The following ARHGAP6 variants were observed in gnomAD, a reference collection of about 807,000 sequenced individuals.
ARHGAP6 encodes the protein rho GTPase-activating protein 6.
A neutral mutation model predicts 55.7 loss-of-function variants in ARHGAP6; 16 were observed. The ratio of observed to expected loss-of-function variants is 0.29; its 90% confidence interval spans 0.19 to 0.44. The LOEUF (loss-of-function observed/expected upper bound fraction) is 0.44, where lower values mean the gene tolerates loss of function less well. Among genes scored for constraint, ARHGAP6 ranks in the 20% least tolerant of loss-of-function variants. The pLI is 1.00. For missense variants in ARHGAP6, 698 were observed against 808.9 expected (o/e 0.86, Z 1.66); for synonymous variants, 382 against 360.9 (o/e 1.06, Z -0.66).
chrX:11,313,953 T>A (rs748261263), intron 1 of ARHGAP6, among the ~76,000 whole-genome samples: 1 of 112,260 alleles, frequency 8.9e-6, no homozygotes, highest in Non-Finnish European at 1.9e-5. Context: ...AAGCACTTAC[T>A]TTTGAGGTTC....
At chrX:11,311,958 CTG>C (rs1569296562) in intron 1 of ARHGAP6, among the ~76,000 whole-genome samples, 1 of 109,727 alleles carries the variant, frequency 9.1e-6, no homozygotes, top group African/African-American at 3.3e-5. Flanking sequence ...GGAAAATGAA[CTG>C]TGTTTGGCAA....
chrX:11,304,688 C>T lies in ARHGAP6; in HGVS notation c.589-49981G>A, dbSNP rs149847961. On this transcript the variant is annotated intron_variant, in intron 1 of 12. Coordinates refer to ENST00000337414, the MANE Select transcript of ARHGAP6 (RefSeq NM_013427.3). ...AGGGCTGAGCCTTTGTGTACAGTGACTCCCAACTCAGACCCTTCCCTTGTC... is the reference window on the plus strand; with the variant it reads ...AGGGCTGAGCCTTTGTGTACAGTGATTCCCAACTCAGACCCTTCCCTTGTC... Among the ~76,000 whole-genome samples the T allele has an allele frequency of 3.1e-3, 338 of 109,073 alleles. 2 individuals carry two copies. Among genetic ancestry groups the T allele is most frequent in the African/African-American group, 0.011 (325 of 29,879 alleles). 94.7% of individuals were successfully genotyped at this position (109,073 alleles called of 115,157 possible). A position where few individuals can be genotyped will look rare whatever the true frequency, so the allele number is the denominator to read the frequency against.
At chrX:11,504,896 A>G (rs997753347) in intron 1 of ARHGAP6, among the ~76,000 whole-genome samples, 1 of 112,546 alleles carries the variant, frequency 8.9e-6, no homozygotes, top group East Asian at 2.8e-4. Context: ...AAAAGTTAGC[A>G]TGTCTTCCTT....
intron 8 of ARHGAP6, among the ~76,000 whole-genome samples, chrX:11,172,656 A>G (rs1248317756): frequency 8.9e-6 from 1 of 112,001 alleles, no homozygotes; most frequent in Non-Finnish European, 1.9e-5. Flanking sequence ...CTGCACACAG[A>G]TTCCAGCTGC....
At chrX:11,481,723 G>C (rs191275010) in intron 1 of ARHGAP6, among the ~76,000 whole-genome samples, 1 of 112,599 alleles carries the variant, frequency 8.9e-6, no homozygotes, top group East Asian at 2.8e-4. Flanking sequence ...AACATTGTTT[G>C]TTTTCTGAGA....
At chrX:11,472,344 TG>T (rs1424726900) in intron 1 of ARHGAP6, among the ~76,000 whole-genome samples, 1 of 111,681 alleles carries the variant, frequency 9.0e-6, no homozygotes, top group Non-Finnish European at 1.9e-5. Flanking sequence ...TTTCACATAG[TG>T]GTAAGCAATA....
At chrX:11,316,382 G>A (rs1207222392) in intron 1 of ARHGAP6, among the ~76,000 whole-genome samples, 1 of 111,910 alleles carries the variant, frequency 8.9e-6, no homozygotes, top group Non-Finnish European at 1.9e-5. Context: ...CCCACAGAAA[G>A]GTTTGGAGAG....
chrX:11,523,145 T>C (rs1408449355), intron 1 of ARHGAP6, among the ~76,000 whole-genome samples: 3 of 111,289 alleles, frequency 2.7e-5, no homozygotes, highest in African/African-American at 9.8e-5. Context: ...ACATCATTAT[T>C]TCAATAGATG....
At chrX:11,174,635 C>CTTTCTCTTTCT (rs2046169000) in intron 8 of ARHGAP6, among the ~76,000 whole-genome samples, 11 of 45,869 alleles carry the variant, frequency 2.4e-4, no homozygotes, top group Non-Finnish European at 3.4e-4. Flanking sequence ...TTCTTTCTTT[C>CTTTCTCTTTCT]TTTCTTTCTT....
chrX:11,209,319 G>A (rs1297929468), intron 2 of ARHGAP6, among the ~76,000 whole-genome samples: 4 of 110,790 alleles, frequency 3.6e-5, no homozygotes, highest in African/African-American at 9.9e-5. Flanking sequence ...TTTTTTCTGC[G>A]TTTTTGGGAG....
At chrX:11,310,333 C>T (rs898329037) in intron 1 of ARHGAP6, among the ~76,000 whole-genome samples, 7 of 109,950 alleles carry the variant, frequency 6.4e-5, no homozygotes, top group Non-Finnish European at 1.3e-4. Context: ...TAGGTATATA[C>T]CCAAGAAATA....
chrX:11,427,512 GC>G, intron 1 of ARHGAP6: 1 of 937,097 alleles, frequency 1.1e-6, no homozygotes, highest in Non-Finnish European at 1.4e-6. Flanking sequence ...GCCCAGTGGC[GC>G]CCCCTGTGTC....
intron 2 of ARHGAP6, among the ~76,000 whole-genome samples, chrX:11,201,405 AT>A (rs2046617934): frequency 8.9e-6 from 1 of 111,951 alleles, no homozygotes; most frequent in Non-Finnish European, 1.9e-5. Flanking sequence ...TGAAGCCAAT[AT>A]TATTATTCTT....
At chrX:11,203,091 G>A (rs1041913960) in intron 2 of ARHGAP6, among the ~76,000 whole-genome samples, 1 of 111,267 alleles carries the variant, frequency 9.0e-6, no homozygotes, top group Admixed American at 9.6e-5. Flanking sequence ...GTCTTGTCAT[G>A]TGGCTAGCAA....
intron 1 of ARHGAP6, among the ~76,000 whole-genome samples, chrX:11,489,602 G>A: frequency 8.9e-6 from 1 of 111,995 alleles, no homozygotes; most frequent in Non-Finnish European, 1.9e-5. Context: ...ACAGGCATGT[G>A]GATCAAATTT....
chrX:11,455,175 G>A (rs934401702), intron 1 of ARHGAP6, among the ~76,000 whole-genome samples: 1 of 111,967 alleles, frequency 8.9e-6, no homozygotes, highest in African/African-American at 3.2e-5. Flanking sequence ...TGCTTTCCAG[G>A]CCTCTTTTGA....
In ARHGAP6 at chrX:11,363,867, T is replaced by C. The variant is rs558099083; in HGVS notation, c.589-109160A>G. Among the ~76,000 whole-genome samples, 21 of 112,402 alleles carry C rather than the reference T, an allele frequency of 1.9e-4. No homozygotes were observed. The South Asian group carries it at 7.7e-3, about 41-fold the overall frequency. Reference sequence around the variant, plus strand: ...ATTATTGGGTATATACTCAAAGGAATATAAATTGTTCTATCATAAAGACAC... The same window carrying C: ...ATTATTGGGTATATACTCAAAGGAACATAAATTGTTCTATCATAAAGACAC... On this transcript the variant is annotated intron_variant, in intron 1 of 12. Coordinates refer to ENST00000337414, the MANE Select transcript of ARHGAP6 (RefSeq NM_013427.3).
intron 1 of ARHGAP6, among the ~76,000 whole-genome samples, chrX:11,389,300 T>G (rs1376116656): frequency 8.9e-6 from 1 of 112,288 alleles, no homozygotes; most frequent in Non-Finnish European, 1.9e-5. Flanking sequence ...TGATACTCTC[T>G]ACTAATAACT....
intron 1 of ARHGAP6, among the ~76,000 whole-genome samples, chrX:11,610,021 A>G (rs974406780): frequency 9.0e-5 from 10 of 110,572 alleles, no homozygotes; most frequent in Non-Finnish European, 1.5e-4. Context: ...TTGAATTTGC[A>G]GAGCAATAAG....
Sources: gnomAD v4.1 joint callset for allele counts (sites outside exome capture counted in the v4.1 genomes callset) on GRCh38, gnomAD v4.1.1 for gene constraint, MANE v1.5 for transcripts, NCBI Gene and HGNC (gene_info 2026-07-23, HGNC 2026-07-21) for gene names.